The following MINDY1 variants were observed in gnomAD, a reference collection of about 807,000 sequenced individuals.
The protein encoded by MINDY1 is ubiquitin carboxyl-terminal hydrolase MINDY-1.
MINDY1 carries 50 observed loss-of-function variants against 53.6 expected under a neutral mutation model. That is an observed-to-expected ratio of 0.93 (90% CI 0.74 to 1.18). The LOEUF is 1.18. MINDY1 is among the 50% of genes most tolerant of loss of function. The pLI, the probability that MINDY1 is intolerant of heterozygous loss-of-function variation, is 0.00. For synonymous variants in MINDY1, 231 were observed against 234.7 expected (o/e 0.98, Z 0.14); for missense variants, 484 against 578.6 (o/e 0.84, Z 1.68).
intron 1 of MINDY1, among the ~76,000 whole-genome samples, chr1:151,004,501 G>A (rs905011705): frequency 3.9e-5 from 6 of 152,000 alleles, no homozygotes; most frequent in Non-Finnish European, 7.4e-5. Context: ...AGGCTGAGGC[G>A]GGCAGATTAC....
chr1:151,007,986 G>C (rs954671078), upstream of MINDY1, among the ~76,000 whole-genome samples: 1 of 152,232 alleles, frequency 6.6e-6, no homozygotes, highest in Non-Finnish European at 1.5e-5. Context: ...GAAGCAGCAG[G>C]AGTTGGCAGG....
chr1:151,000,714 C>T, intron 4 of MINDY1, 99 bp from the exon 5 acceptor site: 1 of 1,341,280 alleles, frequency 7.5e-7, no homozygotes, highest in Non-Finnish European at 1.0e-6. Flanking sequence ...GCTCTTCTTC[C>T]CTGATTCTCT....
chr1:151,002,211 G>A lies in MINDY1; in HGVS notation c.407C>T (p.Pro136Leu). The stretch of plus-strand genomic sequence containing the variant: ...GTTCATGATGGCAAGGAGAGGGCAA[G>A]GGCCGTTAGTGCTCTGGGTGATGAT... ...TPIITQSTNG[P>L]CPLLAIMNIL... Residue 136 changes from proline (P) to leucine (L), a missense_variant, in exon 2 of 10, where the codon CCT becomes CTT. Transcript: ENST00000683666. The surrounding 1 kb of genome is among the most constrained non-coding windows in gnomAD (Gnocchi z 4.1). 1 of 1,613,956 alleles carries A rather than the reference G, an allele frequency of 6.2e-7. No individual in the cohort carries two copies. Among genetic ancestry groups the A allele is most frequent in the Non-Finnish European group, 8.5e-7 (1 of 1,179,904 alleles).
Position 151,002,895 on chromosome 1 carries a change from C to A in MINDY1, c.-89-189G>T. The A allele has an allele frequency of 7.2e-7, 1 of 1,391,510 alleles. No individual in the cohort carries two copies. 86.2% of individuals were successfully genotyped at this position (1,391,510 alleles called of 1,614,324 possible). On this transcript the variant is annotated intron_variant, in intron 1 of 9. Transcript: ENST00000683666. This position sits in a 1 kb window ranked among gnomAD's most constrained non-coding sequence, Gnocchi z 4.1. Reference sequence around the variant, plus strand: ...TCTAACTTGCTGTGACCAGATGAGACCAAGAGGTCGTGGGGCTTCCAGACT... The same window carrying A: ...TCTAACTTGCTGTGACCAGATGAGAACAAGAGGTCGTGGGGCTTCCAGACT...
chr1:151,001,676 T>G, intron 3 of MINDY1, 49 bp downstream of exon 3: 3 of 1,600,430 alleles, frequency 1.9e-6, no homozygotes, highest in South Asian at 2.2e-5. Context: ...GCTGAGTGGA[T>G]AGCTCTGGAG....
In MINDY1 at chr1:150,997,620, C is replaced by T. The variant is rs1337631729; in HGVS notation, c.1329+4G>A. 5 of 1,606,954 alleles carry T rather than the reference C, an allele frequency of 3.1e-6. No homozygotes were observed. The highest frequency in any genetic ancestry group is 3.3e-5 in the Admixed American group (2 of 60,016). On this transcript the variant is annotated splice_donor_region_variant and intron_variant, in intron 9 of 9. Transcript: ENST00000683666. ...GGAGTGTGGGCGCCCAGGCAGCAGC[C>T]CACCTGCAGTGACAGGACCCGCGTC... is the stretch of plus-strand genomic sequence containing the variant.
rs1672242883 is a variant in MINDY1, at chr1:150,999,222, G to A, written c.981+147C>T. The A allele has an allele frequency of 2.6e-6, 3 of 1,166,998 alleles. No individual in the cohort carries two copies. Among genetic ancestry groups the A allele is most frequent in the Admixed American group, 4.2e-5 (2 of 48,010 alleles). 72.3% of individuals were successfully genotyped at this position (1,166,998 alleles called of 1,614,324 possible). A position where few individuals can be genotyped will look rare whatever the true frequency, so the allele number is the denominator to read the frequency against. On this transcript the variant is annotated intron_variant, in intron 7 of 9. Coordinates refer to ENST00000683666, the MANE Select transcript of MINDY1 (RefSeq NM_001376665.1). The surrounding 1 kb of genome is among the most constrained non-coding windows in gnomAD (Gnocchi z 4.4). ...CACAGTGGACACGCACCAGGAGCGG[G>A]AAATGAACCTTTGTTGTGGTAAACC... is the stretch of plus-strand genomic sequence containing the variant.
chr1:151,000,680 C>G lies in MINDY1; in HGVS notation c.577-65G>C, dbSNP rs587758307. Reference sequence around the variant, plus strand: ...TCTCCCACCACTCCACTCCCACCTGCAGAAATTAAAAATTAACCTTGCTGC... The same window carrying G: ...TCTCCCACCACTCCACTCCCACCTGGAGAAATTAAAAATTAACCTTGCTGC... On this transcript the variant is annotated intron_variant, in intron 4 of 9. Coordinates refer to ENST00000683666, the MANE Select transcript of MINDY1 (RefSeq NM_001376665.1). The G allele has an allele frequency of 2.6e-6, 4 of 1,519,442 alleles. No individual in the cohort carries two copies. In the South Asian group the frequency reaches 5.1e-5, roughly 19 times the overall value. 94.1% of individuals were successfully genotyped at this position (1,519,442 alleles called of 1,614,324 possible). A position where few individuals can be genotyped will look rare whatever the true frequency, so the allele number is the denominator to read the frequency against.
rs1673187497 is a variant in MINDY1, at chr1:151,006,245, A to G, written c.-90+67T>C. 1.1e-5 allele frequency: 16 copies of G among 1,513,280 alleles called. No homozygotes were observed. In the South Asian group the frequency reaches 1.6e-4, roughly 15 times the overall value. The allele number at this position is 1,513,280 out of a possible 1,614,324, so 93.7% of individuals were successfully genotyped here. A position where few individuals can be genotyped will look rare whatever the true frequency, so the allele number is the denominator to read the frequency against. ...AAGGACAGCAGGTGTCAGCTCCCCA[A>G]AGCTGGAGAGGAAATAGAGAAGGGT... On this transcript the variant is annotated intron_variant, in intron 1 of 9. Transcript: ENST00000683666.
At chr1:151,008,315 G>A (rs1673441939), upstream of MINDY1, 1 of 1,306,592 alleles carries the variant, frequency 7.7e-7, no homozygotes, top group Non-Finnish European at 9.8e-7. Flanking sequence ...GGACATTGCG[G>A]AGTTGCGGGA....
chr1:151,000,323 G>T (rs905588647), intron 5 of MINDY1, 134 bp downstream of exon 5: 9 of 881,658 alleles, frequency 1.0e-5, no homozygotes, highest in African/African-American at 1.7e-5. Context: ...TTCTGTACTG[G>T]GTCCAGTCTC....
chr1:150,997,374 C>A lies in MINDY1; in HGVS notation c.1330-7G>T. 1 of 1,595,424 alleles carries A rather than the reference C, an allele frequency of 6.3e-7. No individual in the cohort carries two copies. Among genetic ancestry groups the A allele is most frequent in the Non-Finnish European group, 8.6e-7 (1 of 1,169,444 alleles). On this transcript the variant is annotated splice_region_variant and splice_polypyrimidine_tract_variant and intron_variant, in intron 9 of 9. Coordinates refer to ENST00000683666, the MANE Select transcript of MINDY1 (RefSeq NM_001376665.1). ...CAGATGTGGCTCCTCTCCCCTGTAT[C>A]GGATTTAACAATTGGTCACTGAACT...
Position 150,997,079 on chromosome 1 carries a change from G to C in MINDY1, c.*208C>G. On this transcript the variant is annotated 3_prime_UTR_variant, in exon 10 of 10. Coordinates refer to ENST00000683666, the MANE Select transcript of MINDY1 (RefSeq NM_001376665.1). ...GAGAACCAGAAACCCACCAATCCTA[G>C]TGTTGCCCTGGATGGGAGGCAGAGA... 1.7e-6 allele frequency: 1 copy of C among 605,876 alleles called. No individual in the cohort carries two copies. Among genetic ancestry groups the C allele is most frequent in the South Asian group, 2.0e-5 (1 of 50,648 alleles). 37.5% of individuals were successfully genotyped at this position (605,876 alleles called of 1,614,324 possible).
At position 151,006,358 on chromosome 1, in the gene MINDY1, C is replaced by T. The variant is rs751133544; in HGVS notation, c.-136G>A. ...CCAAGATTGAGAAGGAGGGTTCAGCCGTGGCAATGAGATGGGGGAGATAGG... is the reference window on the plus strand; with the variant it reads ...CCAAGATTGAGAAGGAGGGTTCAGCTGTGGCAATGAGATGGGGGAGATAGG... On this transcript the variant is annotated 5_prime_UTR_variant, in exon 1 of 10. Coordinates refer to ENST00000683666, the MANE Select transcript of MINDY1 (RefSeq NM_001376665.1). 7.6e-5 allele frequency: 106 copies of T among 1,393,184 alleles called. No homozygotes were observed. The highest frequency in any genetic ancestry group is 1.1e-4 in the East Asian group (4 of 37,296). 86.3% of individuals were successfully genotyped at this position (1,393,184 alleles called of 1,614,324 possible). A position where few individuals can be genotyped will look rare whatever the true frequency, so the allele number is the denominator to read the frequency against.
chr1:151,002,335 A>T lies in MINDY1; in HGVS notation c.283T>A (p.Ser95Thr), dbSNP rs377475564. The stretch of plus-strand genomic sequence containing the variant: ...GACTGAGGAAGCTCCTGGGGCATGG[A>T]GCATGCCCTTATTGTCTCTACTTCA... Reference protein sequence around the residue: ...LPEVETIRACSMPQELPQSPR... With the variant: ...LPEVETIRACTMPQELPQSPR... Residue 95 changes from serine (S) to threonine (T), a missense_variant, in exon 2 of 10, where the codon TCC (serine) becomes ACC (threonine). By Grantham distance (58) the Ser-to-Thr change is moderately conservative. Coordinates refer to ENST00000683666, the MANE Select transcript of MINDY1 (RefSeq NM_001376665.1). The surrounding 1 kb of genome is among the most constrained non-coding windows in gnomAD (Gnocchi z 4.1). The T allele has an allele frequency of 2.2e-5, 35 of 1,614,032 alleles. No homozygotes were observed. Among genetic ancestry groups the T allele is most frequent in the Non-Finnish European group, 2.7e-5 (32 of 1,180,044 alleles).
intron 1 of MINDY1, chr1:151,003,107 T>A: frequency 4.8e-6 from 2 of 412,448 alleles, no homozygotes; most frequent in Non-Finnish European, 6.8e-6. Flanking sequence ...TAGCTTACTC[T>A]AATAGGCATC....
Position 151,002,951 on chromosome 1 carries a change from T to C in MINDY1, c.-89-245A>G. 1 of 1,306,152 alleles carries C rather than the reference T, an allele frequency of 7.7e-7. No individual in the cohort carries two copies. The highest frequency in any genetic ancestry group is 9.8e-7 in the Non-Finnish European group (1 of 1,024,912). The allele number at this position is 1,306,152 out of a possible 1,614,324, so 80.9% of individuals were successfully genotyped here. ...GGGAAGACTGGTGGGATTGAACACATGGGTGGAGTCAGCTTCCCTGAAACA... is the reference window on the plus strand; with the variant it reads ...GGGAAGACTGGTGGGATTGAACACACGGGTGGAGTCAGCTTCCCTGAAACA... On this transcript the variant is annotated intron_variant, in intron 1 of 9. Coordinates refer to ENST00000683666, the MANE Select transcript of MINDY1 (RefSeq NM_001376665.1). This position sits in a 1 kb window ranked among gnomAD's most constrained non-coding sequence, Gnocchi z 4.1.
chr1:150,997,455 G>A (rs994991817), intron 9 of MINDY1, 88 bp from the exon 10 acceptor site: 1 of 1,537,818 alleles, frequency 6.5e-7, no homozygotes, highest in Non-Finnish European at 8.8e-7. Flanking sequence ...GATTGGGACA[G>A]AGAGTAGGGA....
chr1:150,997,210 G>T lies in MINDY1; in HGVS notation c.*77C>A. On this transcript the variant is annotated 3_prime_UTR_variant, in exon 10 of 10. Coordinates refer to ENST00000683666, the MANE Select transcript of MINDY1 (RefSeq NM_001376665.1). ...AAATAAGTTATCCAGCACATCTCAGGGGTGGAGGCGGGGGAGCAAGCCAAC... is the reference window on the plus strand; with the variant it reads ...AAATAAGTTATCCAGCACATCTCAGTGGTGGAGGCGGGGGAGCAAGCCAAC... 2 of 1,407,134 alleles carry T rather than the reference G, an allele frequency of 1.4e-6. No homozygotes were observed. Among genetic ancestry groups the T allele is most frequent in the East Asian group, 2.5e-5 (1 of 40,074 alleles). The allele number at this position is 1,407,134 out of a possible 1,614,324, so 87.2% of individuals were successfully genotyped here.
Sources: allele counts gnomAD v4.1 joint callset (sites outside exome capture counted in the v4.1 genomes callset), GRCh38; gene constraint gnomAD v4.1.1; non-coding constraint Gnocchi (gnomAD v3.1); transcripts MANE v1.5; gene names NCBI Gene and HGNC (gene_info 2026-07-23, HGNC 2026-07-21).